AAK1: variants seen among roughly 807,000 people sequenced by gnomAD.
The protein encoded by AAK1 is AP2-associated protein kinase 1.
Under a neutral mutation model 116.0 loss-of-function variants are expected in AAK1, and 37 were observed. That is an observed-to-expected ratio of 0.32 (90% CI 0.25 to 0.42). AAK1 has a LOEUF of 0.42. Ranked by LOEUF, AAK1 falls within the 10% of genes least tolerant of loss-of-function variation. The pLI is 1.00. For synonymous variants in AAK1, 458 were observed against 439.9 expected, an observed-to-expected ratio of 1.04 and a Z score of -0.51; for missense variants, 919 against 1,170.6, an observed-to-expected ratio of 0.79 and a Z score of 3.14.
intron 16 of AAK1, among the ~76,000 whole-genome samples, chr2:69,502,674 G>A (rs1230121942): frequency 1.3e-5 from 2 of 151,722 alleles, no homozygotes; most frequent in Non-Finnish European, 2.9e-5. Flanking sequence ...TCTTTGGCCT[G>A]GGCTGTGCTG....
At chr2:69,569,667 C>A (rs2105115060) in intron 2 of AAK1, among the ~76,000 whole-genome samples, 1 of 152,306 alleles carries the variant, frequency 6.6e-6, no homozygotes, top group African/African-American at 2.4e-5. Flanking sequence ...CTCCCATAGG[C>A]AACCGCTGTT....
chr2:69,496,686 G>A (rs546904834), intron 16 of AAK1, among the ~76,000 whole-genome samples: 13 of 152,220 alleles, frequency 8.5e-5, no homozygotes, highest in African/African-American at 2.9e-4. Context: ...TCAGAATGTC[G>A]AGAGGAGGTA....
At position 69,466,003 on chromosome 2, in the gene AAK1, C is replaced by T. The variant is rs1350424418; in HGVS notation, c.*9866G>A. ...TTAGTGAAAGGAGCTCTCAAAAACA[C>T]GTCTGACTCCTCTGGCTGGGAAGGA... On this transcript the variant is annotated 3_prime_UTR_variant, in exon 22 of 22. Coordinates refer to ENST00000409085, the MANE Select transcript of AAK1 (RefSeq NM_014911.5). 11 of 1,290,786 alleles carry T rather than the reference C, an allele frequency of 8.5e-6. No homozygotes were observed. The highest frequency in any genetic ancestry group is 1.5e-5 in the African/African-American group (1 of 65,834). 80.0% of individuals were successfully genotyped at this position (1,290,786 alleles called of 1,614,324 possible).
At chr2:69,598,536 T>G (rs1673411228) in intron 2 of AAK1, 1 of 152,928 alleles carries the variant, frequency 6.5e-6, no homozygotes, top group Admixed American at 6.5e-5. Flanking sequence ...TTCTTTTTTT[T>G]GAAGACAGGT....
intron 17 of AAK1, among the ~76,000 whole-genome samples, chr2:69,487,786 G>GC (rs1675355452): frequency 7.1e-6 from 1 of 140,638 alleles, no homozygotes; most frequent in Non-Finnish European, 1.5e-5. Flanking sequence ...TTGTTTGTTT[G>GC]CTTTTTTTTT....
At chr2:69,639,582 C>T (rs1443403458) in intron 2 of AAK1, among the ~76,000 whole-genome samples, 4 of 152,122 alleles carry the variant, frequency 2.6e-5, no homozygotes, top group Admixed American at 6.5e-5. Flanking sequence ...TATGGCAGTG[C>T]GACATCTTTT....
At chr2:69,547,901 A>T (rs1455902147) in intron 3 of AAK1, among the ~76,000 whole-genome samples, 2 of 152,234 alleles carry the variant, frequency 1.3e-5, no homozygotes, top group African/African-American at 4.8e-5. Context: ...ATCACAAGCC[A>T]CACAATGGAA....
intron 16 of AAK1, among the ~76,000 whole-genome samples, chr2:69,505,118 C>A (rs532602619): frequency 1.6e-5 from 2 of 121,640 alleles, no homozygotes; most frequent in Non-Finnish European, 3.4e-5. Context: ...AGCGTGCGTG[C>A]GTGTGCGCAC....
In AAK1 at chr2:69,473,979, A is replaced by G. The variant is rs1674763373; in HGVS notation, c.*1890T>C. On this transcript the variant is annotated 3_prime_UTR_variant, in exon 22 of 22. Transcript: ENST00000409085. ...TCGGCAGGAAGCTTGTGCCTCTCTCAGTTTTGGAAATGGTCTGTTATTCAA... is the reference window on the plus strand; with the variant it reads ...TCGGCAGGAAGCTTGTGCCTCTCTCGGTTTTGGAAATGGTCTGTTATTCAA... 1.0e-6 allele frequency: 1 copy of G among 985,656 alleles called. No individual in the cohort carries two copies. Among genetic ancestry groups the G allele is most frequent in the Non-Finnish European group, 1.2e-6 (1 of 829,878 alleles). The allele number at this position is 985,656 out of a possible 1,614,324, so 61.1% of individuals were successfully genotyped here.
intron 3 of AAK1, among the ~76,000 whole-genome samples, chr2:69,547,066 T>A (rs1443703539): frequency 6.6e-6 from 1 of 152,162 alleles, no homozygotes; most frequent in Non-Finnish European, 1.5e-5. Flanking sequence ...TGGTCTTTTT[T>A]AAAAGTAGTG....
At chr2:69,561,541 G>A (rs962591595) in intron 2 of AAK1, among the ~76,000 whole-genome samples, 1 of 152,230 alleles carries the variant, frequency 6.6e-6, no homozygotes, top group Non-Finnish European at 1.5e-5. Context: ...AGAATGCACA[G>A]AGCTAGTTGG....
In AAK1 at chr2:69,607,468, A is replaced by G. The variant is rs1017137492; in HGVS notation, c.163+35410T>C. Among the ~76,000 whole-genome samples the G allele has an allele frequency of 2.0e-5, 3 of 152,120 alleles. No homozygotes were observed. In the East Asian group the frequency reaches 5.8e-4, roughly 29 times the overall value. ...TTTATCTCTTCTACTTTTCTTTCCC[A>G]TGAGTATTTGGTTACTCTCTCTGAC... is the stretch of plus-strand genomic sequence containing the variant. On this transcript the variant is annotated intron_variant, in intron 2 of 21. Transcript: ENST00000409085.
At chr2:69,523,819 G>T (rs924538925) in intron 10 of AAK1, among the ~76,000 whole-genome samples, 1 of 152,210 alleles carries the variant, frequency 6.6e-6, no homozygotes, top group African/African-American at 2.4e-5. Flanking sequence ...GGAGATGAGG[G>T]ACTATCTGCT....
At chr2:69,496,545 T>C (rs1364731600) in intron 16 of AAK1, among the ~76,000 whole-genome samples, 1 of 152,170 alleles carries the variant, frequency 6.6e-6, no homozygotes, top group Non-Finnish European at 1.5e-5. Context: ...ATTACAGGCA[T>C]GAGCCACCGC....
Position 69,600,716 on chromosome 2 carries a change from G to T in AAK1, c.163+42162C>A, listed in dbSNP as rs1051367962. On this transcript the variant is annotated intron_variant, in intron 2 of 21. Transcript: ENST00000409085. ...ACTTAGCTGATAAAGCAGCAGCAGA[G>T]TTTGGGAGGGATGACTCCAATTTTA... 2.6e-5 allele frequency among the ~76,000 whole-genome samples: 4 copies of T among 152,222 alleles called. No homozygotes were observed. The East Asian group carries it at 7.7e-4, about 29-fold the overall frequency.
At chr2:69,551,521 C>A (rs1035026196) in intron 3 of AAK1, among the ~76,000 whole-genome samples, 1 of 152,326 alleles carries the variant, frequency 6.6e-6, no homozygotes, top group Middle Eastern at 3.4e-3. Flanking sequence ...TGCTTTGAAT[C>A]ATCTGATCTC....
chr2:69,587,422 C>T (rs1672833002), intron 2 of AAK1, among the ~76,000 whole-genome samples: 1 of 150,360 alleles, frequency 6.7e-6, no homozygotes, highest in Admixed American at 6.6e-5. Flanking sequence ...TGTATATATA[C>T]ACATATATAT....
At chr2:69,520,326 C>T (rs372431734) in intron 11 of AAK1, among the ~76,000 whole-genome samples, 19 of 150,684 alleles carry the variant, frequency 1.3e-4, no homozygotes, top group African/African-American at 4.6e-4. Context: ...GAGGCCTCTC[C>T]TTTTGCCAGC....
chr2:69,545,942 G>C (rs1247736107), intron 3 of AAK1, among the ~76,000 whole-genome samples: 1 of 152,114 alleles, frequency 6.6e-6, no homozygotes, highest in Non-Finnish European at 1.5e-5. Flanking sequence ...GGGAAAGGGT[G>C]TTTAGAATGG....
Sources: allele counts gnomAD v4.1 joint callset (sites outside exome capture counted in the v4.1 genomes callset), GRCh38; gene constraint gnomAD v4.1.1; transcripts MANE v1.5; gene names NCBI Gene and HGNC (gene_info 2026-07-23, HGNC 2026-07-21).